Variants in ASCC3 observed in about 807,000 individuals in gnomAD.
ASCC3 encodes the protein ASC-1 complex subunit P200.
ASCC3 carries 158 observed loss-of-function variants against 256.3 expected under a neutral mutation model. The ratio of observed to expected loss-of-function variants is 0.62; its 90% CI spans 0.54 to 0.70. The LOEUF (loss-of-function observed/expected upper bound fraction) is 0.70, where lower values mean the gene tolerates loss of function less well. Ranked by LOEUF, ASCC3 falls within the 30% of genes least tolerant of loss-of-function variation. The pLI is 0.00. For missense variants in ASCC3, 2,259 were observed against 2,626.0 expected (o/e 0.86, Z 3.05); for synonymous variants, 948 against 883.4 (o/e 1.07, Z -1.30).
chr6:100,835,027 T>C (rs576344143), intron 4 of ASCC3, among the ~76,000 whole-genome samples: 36 of 151,698 alleles, frequency 2.4e-4, no homozygotes, highest in South Asian at 1.9e-3. Flanking sequence ...CTAGGCATAG[T>C]ATAAGCATCT....
intron 12 of ASCC3, among the ~76,000 whole-genome samples, chr6:100,716,071 G>A (rs928745343): frequency 6.6e-6 from 1 of 151,678 alleles, no homozygotes; most frequent in Non-Finnish European, 1.5e-5. Context: ...ACATTTTTCA[G>A]ATTAATTGGA....
chr6:100,555,937 A>C (rs1255197397), intron 36 of ASCC3, among the ~76,000 whole-genome samples: 3 of 152,158 alleles, frequency 2.0e-5, no homozygotes, highest in African/African-American at 7.2e-5. Flanking sequence ...TGGAGGCTAC[A>C]ATGAGCCGAG....
intron 37 of ASCC3, among the ~76,000 whole-genome samples, chr6:100,537,868 G>C (rs778551426): frequency 6.7e-6 from 1 of 150,184 alleles, no homozygotes; most frequent in Non-Finnish European, 1.5e-5. Context: ...TATTATCCCA[G>C]ACACTGTATA....
intron 13 of ASCC3, among the ~76,000 whole-genome samples, chr6:100,696,277 A>G (rs971561404): frequency 6.6e-6 from 1 of 152,192 alleles, no homozygotes; most frequent in Non-Finnish European, 1.5e-5. Flanking sequence ...TGACAGCTAC[A>G]GATAAAGACA....
chr6:100,840,451 C>T (rs1772084784), intron 4 of ASCC3, among the ~76,000 whole-genome samples: 1 of 149,778 alleles, frequency 6.7e-6, no homozygotes, highest in Admixed American at 6.7e-5. Flanking sequence ...CCTCAGCCTC[C>T]CAAGTAGCTG....
At chr6:100,602,008 T>TCA in intron 33 of ASCC3, 73 bp from the exon 34 acceptor site, 1 of 1,522,296 alleles carries the variant, frequency 6.6e-7, no homozygotes, top group Non-Finnish European at 9.0e-7. Context: ...TCTCACATAG[T>TCA]CAAGATTCAG....
chr6:100,563,746 T>C (rs1223993260), intron 36 of ASCC3, among the ~76,000 whole-genome samples: 1 of 152,166 alleles, frequency 6.6e-6, no homozygotes, highest in African/African-American at 2.4e-5. Flanking sequence ...AGAATAATGA[T>C]ACTTGTTATA....
chr6:100,580,180 T>C (rs773074731), intron 36 of ASCC3, among the ~76,000 whole-genome samples: 1 of 152,170 alleles, frequency 6.6e-6, no homozygotes, highest in Non-Finnish European at 1.5e-5. Flanking sequence ...TAATTTTGTA[T>C]TCTGGAAATG....
At chr6:100,786,030 G>GT (rs1769059831) in intron 8 of ASCC3, among the ~76,000 whole-genome samples, 1 of 152,036 alleles carries the variant, frequency 6.6e-6, no homozygotes, top group African/African-American at 2.4e-5. Flanking sequence ...CCCAGGAGAG[G>GT]TATGATTTGA....
intron 11 of ASCC3, among the ~76,000 whole-genome samples, chr6:100,719,845 C>G (rs1324866406): frequency 6.6e-6 from 1 of 151,918 alleles, no homozygotes; most frequent in South Asian, 2.1e-4. Flanking sequence ...AGTCTCCCTA[C>G]TTACTAAAAG....
intron 13 of ASCC3, among the ~76,000 whole-genome samples, chr6:100,692,957 A>G (rs1470688379): frequency 6.6e-6 from 1 of 152,060 alleles, no homozygotes; most frequent in East Asian, 1.9e-4. Context: ...TGTTAAAAAT[A>G]TGATTTAATA....
chr6:100,877,986 A>G (rs1343671827), intron 1 of ASCC3, among the ~76,000 whole-genome samples: 24 of 152,330 alleles, frequency 1.6e-4, no homozygotes, highest in Non-Finnish European at 4.4e-5. Flanking sequence ...AGTCAGGATG[A>G]AAAACATGGC....
At chr6:100,528,920 T>G (rs1032557201) in intron 37 of ASCC3, among the ~76,000 whole-genome samples, 2 of 152,234 alleles carry the variant, frequency 1.3e-5, no homozygotes, top group African/African-American at 4.8e-5. Flanking sequence ...AGGAGATATC[T>G]GCTATCTTTT....
rs1773679283 is a variant in ASCC3, at chr6:100,509,919, G to A, written c.6461+13C>T. ...AAAAAAAAAGAGAACTTTGGTAGTAGGATTCTTCTTACCTTCCAGGTATTT... is the reference window on the plus strand; with the variant it reads ...AAAAAAAAAGAGAACTTTGGTAGTAAGATTCTTCTTACCTTCCAGGTATTT... On this transcript the variant is annotated intron_variant, in intron 41 of 41. Transcript: ENST00000369162. The A allele has an allele frequency of 1.2e-6, 2 of 1,609,298 alleles. No homozygotes were observed. Among genetic ancestry groups the A allele is most frequent in the East Asian group, 4.5e-5 (2 of 44,812 alleles).
rs940146277 is a variant in ASCC3 at position 100,881,293 on chromosome 6, C to G, written c.-274G>C. 15 of 152,308 alleles carry G rather than the reference C, an allele frequency of 9.8e-5. No individual in the cohort carries two copies. The highest frequency in any genetic ancestry group is 3.1e-4 in the African/African-American group (13 of 41,468). The allele number at this position is 152,308 out of a possible 1,614,324, so 9.4% of individuals were successfully genotyped here. On this transcript the variant is annotated 5_prime_UTR_variant, in exon 1 of 42. Coordinates refer to ENST00000369162, the MANE Select transcript of ASCC3 (RefSeq NM_006828.4). ...GAGGACCATCAGTCAGACAGACAGA[C>G]GCAAAGACGCACAGACCCGGCGAGG...
At chr6:100,537,893 GATATATATACTGTATAA>G (rs1775243662) in intron 37 of ASCC3, among the ~76,000 whole-genome samples, 1 of 149,784 alleles carries the variant, frequency 6.7e-6, no homozygotes, top group African/African-American at 2.4e-5. Context: ...GATATATATA[GATATATATACTGTATAA>G]ATATATATAC....
chr6:100,668,956 T>C (rs979190684), intron 14 of ASCC3, among the ~76,000 whole-genome samples: 5 of 151,664 alleles, frequency 3.3e-5, no homozygotes, highest in Non-Finnish European at 7.4e-5. Flanking sequence ...GGTATCAGTC[T>C]ATTGATGTTC....
At chr6:100,813,482 A>C (rs1770584930) in intron 4 of ASCC3, among the ~76,000 whole-genome samples, 1 of 152,030 alleles carries the variant, frequency 6.6e-6, no homozygotes, top group African/African-American at 2.4e-5. Flanking sequence ...ACAAAAAAAA[A>C]ACACAAAAAA....
Position 100,820,715 on chromosome 6 carries a change from G to GAA in ASCC3, c.802-14837_802-14836dup, listed in dbSNP as rs35055094. Among the ~76,000 whole-genome samples, 276 of 150,092 alleles carry GAA rather than the reference G, an allele frequency of 1.8e-3. 5 individuals are homozygous for GAA. The East Asian group carries it at 0.043, about 23-fold the overall frequency. On this transcript the variant is annotated intron_variant, in intron 4 of 41. Coordinates refer to ENST00000369162, the MANE Select transcript of ASCC3 (RefSeq NM_006828.4). The stretch of plus-strand genomic sequence containing the variant: ...AGTGAAAAGGTAACCCACAGAATAG[G>GAA]AAAAAAAAAATCATGTATCTATCTG...
Sources: gnomAD v4.1 joint callset for allele counts (sites outside exome capture counted in the v4.1 genomes callset) on GRCh38, gnomAD v4.1.1 for gene constraint, MANE v1.5 for transcripts, NCBI Gene and HGNC (gene_info 2026-07-23, HGNC 2026-07-21) for gene names.